The following PRKCA variants were observed in gnomAD, a reference collection of about 807,000 sequenced individuals.
PRKCA encodes protein kinase C alpha type.
In PRKCA, 27 loss-of-function variants were observed where a neutral mutation model predicts 87.0. The ratio of observed to expected loss-of-function variants is 0.31; its 90% CI spans 0.23 to 0.43. PRKCA has a LOEUF of 0.43. Among genes scored for constraint, PRKCA ranks in the 20% least tolerant of loss-of-function variants. PRKCA has a pLI of 1.00. For synonymous variants in PRKCA, 329 were observed against 311.1 expected (o/e 1.06, Z -0.61); for missense variants, 518 against 852.3 (o/e 0.61, Z 4.88).
At chr17:66,615,049 G>A (rs1970479185) in intron 3 of PRKCA, among the ~76,000 whole-genome samples, 1 of 152,122 alleles carries the variant, frequency 6.6e-6, no homozygotes, top group Admixed American at 6.5e-5. Context: ...CAAGCCCAGG[G>A]CTTCCATGCA....
intron 8 of PRKCA, among the ~76,000 whole-genome samples, chr17:66,691,206 A>G (rs1972778562): frequency 6.6e-6 from 1 of 152,338 alleles, no homozygotes; most frequent in Admixed American, 6.5e-5. Context: ...TTTAGACACC[A>G]GTAGGATTCA....
intron 2 of PRKCA, chr17:66,403,808 A>G (rs926818721): frequency 1.3e-5 from 2 of 152,358 alleles, no homozygotes; most frequent in African/African-American, 4.8e-5. Context: ...ATTCTTTTAA[A>G]AAATCAGAGG....
chr17:66,304,030 C>T (rs1904662879), intron 1 of PRKCA, among the ~76,000 whole-genome samples: 1 of 152,184 alleles, frequency 6.6e-6, no homozygotes, highest in South Asian at 2.1e-4. Context: ...CCTGTCAACT[C>T]GAGATTAGAC....
chr17:66,302,846 G>T lies in PRKCA; in HGVS notation c.-6G>T, dbSNP rs1000836174. The T allele has an allele frequency of 1.9e-6, 3 of 1,593,086 alleles. No homozygotes were observed. The highest frequency in any genetic ancestry group is 1.7e-4 in the Middle Eastern group (1 of 5,992). ...CGGCGGAGGCAAGAGGTGGTTGGGG[G>T]GGACCATGGCTGACGTTTTCCCGGG... On this transcript the variant is annotated 5_prime_UTR_variant, in exon 1 of 17. Coordinates refer to ENST00000413366, the MANE Select transcript of PRKCA (RefSeq NM_002737.3).
chr17:66,557,367 A>G (rs1414153136), intron 3 of PRKCA, among the ~76,000 whole-genome samples: 1 of 152,064 alleles, frequency 6.6e-6, no homozygotes, highest in African/African-American at 2.4e-5. Flanking sequence ...TACTTACAAT[A>G]GATTTCCTGC....
At chr17:66,478,711 T>C (rs1377526033) in intron 2 of PRKCA, among the ~76,000 whole-genome samples, 5 of 151,162 alleles carry the variant, frequency 3.3e-5, no homozygotes, top group Non-Finnish European at 2.9e-5. Context: ...TGAACAAAAA[T>C]AAAAGTAAAA....
At chr17:66,410,213 T>TG (rs1272533821) in intron 2 of PRKCA, among the ~76,000 whole-genome samples, 1 of 151,862 alleles carries the variant, frequency 6.6e-6, no homozygotes, top group Non-Finnish European at 1.5e-5. Context: ...AGAGATTTTT[T>TG]TTTTTTGATT....
intron 3 of PRKCA, among the ~76,000 whole-genome samples, chr17:66,522,168 G>T (rs1967181961): frequency 6.6e-6 from 1 of 152,200 alleles, no homozygotes; most frequent in African/African-American, 2.4e-5. Context: ...GCAGGTGGAT[G>T]TGGACCAGGA....
chr17:66,477,645 A>G (rs1915591326), intron 2 of PRKCA, among the ~76,000 whole-genome samples: 1 of 152,204 alleles, frequency 6.6e-6, no homozygotes, highest in Non-Finnish European at 1.5e-5. Context: ...GGTTGTGGTG[A>G]GCTGAGATTG....
intron 4 of PRKCA, among the ~76,000 whole-genome samples, chr17:66,642,782 CA>C (rs34192125): frequency 0.42 from 63,126 of 151,492 alleles, 14,060 homozygotes; most frequent in African/African-American, 0.6. Context: ...GGATTTCCAC[CA>C]TTTAATCCCA....
intron 3 of PRKCA, among the ~76,000 whole-genome samples, chr17:66,637,890 G>T (rs867841942): frequency 2.2e-4 from 33 of 152,072 alleles, no homozygotes; most frequent in African/African-American, 7.0e-4. Flanking sequence ...GATGCTGTGC[G>T]GGAACCATGC....
At chr17:66,521,276 T>C (rs1396866957) in intron 3 of PRKCA, among the ~76,000 whole-genome samples, 1 of 152,200 alleles carries the variant, frequency 6.6e-6, no homozygotes, top group East Asian at 1.9e-4. Context: ...AGTCCAAAGA[T>C]GGTAATAATG....
intron 2 of PRKCA, among the ~76,000 whole-genome samples, chr17:66,318,194 T>G (rs995473688): frequency 6.6e-6 from 1 of 152,260 alleles, no homozygotes; most frequent in Non-Finnish European, 1.5e-5. Context: ...GTTTCTTCAA[T>G]CTGAATGGCA....
intron 2 of PRKCA, among the ~76,000 whole-genome samples, chr17:66,458,486 CT>C (rs11286662): frequency 0.81 from 119,901 of 148,414 alleles, 48,698 homozygotes; most frequent in African/African-American, 0.9. Flanking sequence ...CTTTATTTTC[CT>C]TTTTTTTTTT....
intron 13 of PRKCA, among the ~76,000 whole-genome samples, chr17:66,765,999 A>G (rs73994609): frequency 0.1 from 15,763 of 152,260 alleles, 1,077 homozygotes; most frequent in East Asian, 0.2. Flanking sequence ...TCTCTGGGAA[A>G]AAATGCTCTG....
chr17:66,613,926 G>T (rs1313735947), intron 3 of PRKCA, among the ~76,000 whole-genome samples: 1 of 151,518 alleles, frequency 6.6e-6, no homozygotes, highest in Non-Finnish European at 1.5e-5. Flanking sequence ...AGGACTACAG[G>T]TGTGCACCAT....
chr17:66,729,225 A>C (rs1342953531), intron 8 of PRKCA, among the ~76,000 whole-genome samples: 1 of 152,066 alleles, frequency 6.6e-6, no homozygotes, highest in Non-Finnish European at 1.5e-5. Context: ...AACACAGCGA[A>C]ACCCCATATC....
At chr17:66,404,608 G>A (rs559497363) in intron 2 of PRKCA, among the ~76,000 whole-genome samples, 1 of 152,162 alleles carries the variant, frequency 6.6e-6, no homozygotes, top group South Asian at 2.1e-4. Context: ...TGTCTTGTTA[G>A]CAACTACCCA....
chr17:66,527,219 C>T (rs1176722660), intron 3 of PRKCA, among the ~76,000 whole-genome samples: 3 of 152,110 alleles, frequency 2.0e-5, no homozygotes, highest in African/African-American at 7.2e-5. Context: ...ACCCCATACC[C>T]GCCCCAGTTC....
Sources: allele counts gnomAD v4.1 joint callset (sites outside exome capture counted in the v4.1 genomes callset), GRCh38; gene constraint gnomAD v4.1.1; transcripts MANE v1.5; gene names NCBI Gene and HGNC (gene_info 2026-07-23, HGNC 2026-07-21).